The following SPAG16 variants were observed in gnomAD, a reference collection of about 807,000 sequenced individuals.
SPAG16 encodes sperm-associated antigen 16 protein.
In SPAG16, 86 loss-of-function variants were observed where a neutral mutation model predicts 80.4. The observed-to-expected ratio is 1.07, with a 90% CI of 0.90 to 1.28. The LOEUF is 1.28. SPAG16 is among the 50% of genes most tolerant of loss of function. SPAG16 has a pLI of 0.00. For synonymous variants in SPAG16, 294 were observed against 265.9 expected, an observed-to-expected ratio of 1.11 and a Z score of -1.03; for missense variants, 870 against 765.3, an observed-to-expected ratio of 1.14 and a Z score of -1.61.
chr2:213,923,827 T>C (rs1301651379), intron 11 of SPAG16: 1 of 152,432 alleles, frequency 6.6e-6, no homozygotes, highest in African/African-American at 2.4e-5. Flanking sequence ...TGAGCTCACA[T>C]AGAGGTGGGA....
chr2:213,409,522 G>A (rs1232409091), intron 9 of SPAG16, among the ~76,000 whole-genome samples: 1 of 152,112 alleles, frequency 6.6e-6, no homozygotes, highest in African/African-American at 2.4e-5. Flanking sequence ...GACAGTAAAA[G>A]CATAACAGGT....
At chr2:214,319,868 T>C (rs1018020618) in intron 15 of SPAG16, among the ~76,000 whole-genome samples, 1 of 152,330 alleles carries the variant, frequency 6.6e-6, no homozygotes, top group African/African-American at 2.4e-5. Context: ...AAATTAACAA[T>C]GAAAACTAAT....
At chr2:213,727,997 C>T (rs951442269) in intron 10 of SPAG16, among the ~76,000 whole-genome samples, 4 of 151,884 alleles carry the variant, frequency 2.6e-5, no homozygotes, top group African/African-American at 7.3e-5. Flanking sequence ...TACAGGCACC[C>T]GCCACCACTC....
chr2:213,468,751 C>CAT (rs911970820), intron 9 of SPAG16, among the ~76,000 whole-genome samples: 26 of 147,010 alleles, frequency 1.8e-4, no homozygotes, highest in East Asian at 1.2e-3. Context: ...ACATATATAT[C>CAT]ATATATATAT....
At chr2:213,920,272 G>A (rs2078153730) in intron 11 of SPAG16, among the ~76,000 whole-genome samples, 1 of 152,122 alleles carries the variant, frequency 6.6e-6, no homozygotes, top group Admixed American at 6.6e-5. Context: ...AGGGCATTTA[G>A]CCCATTTACA....
intron 15 of SPAG16, among the ~76,000 whole-genome samples, chr2:214,328,058 G>A (rs572711207): frequency 7.0e-4 from 107 of 152,212 alleles, no homozygotes; most frequent in African/African-American, 2.5e-3. Context: ...AAAAAATAAA[G>A]AGATGCTTTT....
chr2:213,639,445 T>C (rs2062502011), intron 10 of SPAG16, among the ~76,000 whole-genome samples: 1 of 152,216 alleles, frequency 6.6e-6, no homozygotes, highest in African/African-American at 2.4e-5. Flanking sequence ...TTCGTAGTGC[T>C]GAATTCTCTC....
chr2:213,787,921 T>C (rs1172098267), intron 10 of SPAG16, among the ~76,000 whole-genome samples: 1 of 152,052 alleles, frequency 6.6e-6, no homozygotes, highest in African/African-American at 2.4e-5. Flanking sequence ...TATTTGAAGA[T>C]GTCCAAAAAT....
chr2:214,323,281 G>A (rs1696233108), intron 15 of SPAG16, among the ~76,000 whole-genome samples: 1 of 151,464 alleles, frequency 6.6e-6, no homozygotes, highest in Non-Finnish European at 1.5e-5. Context: ...TGCATGCACT[G>A]GTATTACAAA....
At chr2:214,289,321 T>G (rs1693618167) in intron 15 of SPAG16, among the ~76,000 whole-genome samples, 3 of 152,198 alleles carry the variant, frequency 2.0e-5, no homozygotes, top group Non-Finnish European at 4.4e-5. Context: ...AAGATTGATG[T>G]CTTGAAGTGT....
At chr2:214,073,959 T>C (rs1296518151) in intron 13 of SPAG16, among the ~76,000 whole-genome samples, 1 of 152,200 alleles carries the variant, frequency 6.6e-6, no homozygotes, top group African/African-American at 2.4e-5. Context: ...TTTGTGTCCC[T>C]TCTAAAATTG....
intron 15 of SPAG16, among the ~76,000 whole-genome samples, chr2:214,173,337 C>T (rs2056949738): frequency 6.6e-6 from 1 of 152,050 alleles, no homozygotes; most frequent in Non-Finnish European, 1.5e-5. Flanking sequence ...TTTCCCAGCA[C>T]CATTTATTAA....
intron 10 of SPAG16, among the ~76,000 whole-genome samples, chr2:213,728,854 G>C (rs1173026609): frequency 9.0e-6 from 1 of 110,988 alleles, no homozygotes; most frequent in Admixed American, 1.3e-4. Flanking sequence ...TCCAGCCTGG[G>C]CGACAGAGTG....
At chr2:214,393,468 C>T (rs180743686) in intron 15 of SPAG16, among the ~76,000 whole-genome samples, 1,794 of 151,782 alleles carry the variant, frequency 0.012, 16 homozygotes, top group Admixed American at 0.019. Context: ...TAAGTATGTA[C>T]TCAATGGAAA....
At chr2:214,120,171 T>C (rs866572249) in intron 14 of SPAG16, among the ~76,000 whole-genome samples, 46 of 151,890 alleles carry the variant, frequency 3.0e-4, no homozygotes, top group African/African-American at 1.0e-3. Context: ...ATATCTCTGT[T>C]GAATCTTCTC....
intron 14 of SPAG16, among the ~76,000 whole-genome samples, chr2:214,117,015 G>T (rs1048261353): frequency 1.3e-5 from 2 of 152,062 alleles, no homozygotes; most frequent in Non-Finnish European, 2.9e-5. Context: ...AGAAAATAAG[G>T]CACCAGACAC....
chr2:213,347,128 C>T (rs527829095), intron 6 of SPAG16, among the ~76,000 whole-genome samples: 6 of 152,218 alleles, frequency 3.9e-5, no homozygotes, highest in South Asian at 4.1e-4. Flanking sequence ...GTGTATATGT[C>T]GAGGAATTTA....
chr2:213,962,959 C>CAATTTTGT (rs1434385547), intron 12 of SPAG16, among the ~76,000 whole-genome samples: 2 of 151,912 alleles, frequency 1.3e-5, no homozygotes, highest in Admixed American at 6.6e-5. Flanking sequence ...AAAGATTTGT[C>CAATTTTGT]AATTTTGTTC....
At chr2:213,384,994 C>G (rs531699745) in intron 9 of SPAG16, among the ~76,000 whole-genome samples, 1 of 152,262 alleles carries the variant, frequency 6.6e-6, no homozygotes, top group South Asian at 2.1e-4. Context: ...TCTCAGGAGT[C>G]TATAATCTAA....
Sources: gnomAD v4.1 joint callset for allele counts (sites outside exome capture counted in the v4.1 genomes callset) on GRCh38, gnomAD v4.1.1 for gene constraint, MANE v1.5 for transcripts, NCBI Gene and HGNC (gene_info 2026-07-23, HGNC 2026-07-21) for gene names.